FHIT: variants seen among roughly 807,000 people sequenced by gnomAD.
FHIT encodes bis(5'-adenosyl)-triphosphatase.
Under a neutral mutation model 17.9 loss-of-function variants are expected in FHIT, and 19 were observed. The observed-to-expected ratio is 1.06, with a 90% CI of 0.74 to 1.56. The LOEUF is 1.56. Among genes scored for constraint, FHIT ranks in the 40% most tolerant of loss-of-function variants. FHIT has a pLI of 0.00. For missense variants in FHIT, 248 were observed against 189.2 expected (o/e 1.31, Z -1.82); for synonymous variants, 81 against 69.7 (o/e 1.16, Z -0.81).
intron 8 of FHIT, among the ~76,000 whole-genome samples, chr3:59,753,221 GTAAT>G (rs1205700690): frequency 6.6e-6 from 1 of 152,012 alleles, no homozygotes; most frequent in African/African-American, 2.4e-5. Context: ...AACTGAGTAA[GTAAT>G]AAGTATTTCC....
chr3:60,112,104 A>G (rs769997703), intron 5 of FHIT, among the ~76,000 whole-genome samples: 10 of 152,216 alleles, frequency 6.6e-5, no homozygotes, highest in Non-Finnish European at 1.2e-4. Flanking sequence ...GAAAGCATCA[A>G]TGTGTCAGTT....
At chr3:60,438,076 T>C (rs934397854) in intron 5 of FHIT, among the ~76,000 whole-genome samples, 1 of 152,092 alleles carries the variant, frequency 6.6e-6, no homozygotes, top group Non-Finnish European at 1.5e-5. Context: ...GAAGTAATCA[T>C]GTCCTTGGGA....
chr3:60,639,296 C>T (rs1238916958), intron 4 of FHIT, among the ~76,000 whole-genome samples: 2 of 151,864 alleles, frequency 1.3e-5, no homozygotes, highest in Non-Finnish European at 2.9e-5. Flanking sequence ...GAACGGTGAA[C>T]CAAAGAAAAG....
chr3:60,701,193 G>A (rs1175223974), intron 4 of FHIT, among the ~76,000 whole-genome samples: 1 of 148,692 alleles, frequency 6.7e-6, no homozygotes, highest in African/African-American at 2.5e-5. Flanking sequence ...GAGTGACCTC[G>A]GCTCACTGCA....
intron 3 of FHIT, among the ~76,000 whole-genome samples, chr3:61,004,450 AC>A (rs2031307395): frequency 6.6e-6 from 1 of 152,210 alleles, no homozygotes; most frequent in African/African-American, 2.4e-5. Flanking sequence ...TATTTATAAA[AC>A]TTTGGGTAGT....
chr3:59,978,569 C>T (rs937134327), intron 7 of FHIT, among the ~76,000 whole-genome samples: 4 of 151,674 alleles, frequency 2.6e-5, no homozygotes, highest in African/African-American at 9.7e-5. Context: ...CATTTCTACT[C>T]TGTTATCTGA....
chr3:60,228,423 A>C (rs1704319245), intron 5 of FHIT, among the ~76,000 whole-genome samples: 1 of 152,200 alleles, frequency 6.6e-6, no homozygotes, highest in African/African-American at 2.4e-5. Flanking sequence ...TTGGGAATAC[A>C]CTAAAAAAGC....
chr3:60,883,373 T>A (rs904404927), intron 3 of FHIT, among the ~76,000 whole-genome samples: 20 of 152,102 alleles, frequency 1.3e-4, no homozygotes, highest in African/African-American at 4.6e-4. Context: ...AATCCTAAAA[T>A]TTATGTGGAA....
Position 60,536,938 on chromosome 3 carries a change from G to T in FHIT, c.25C>A (p.Leu9Ile). The change falls in exon 5 of 10, where the codon CTC becomes ATC. Residue 9 changes from leucine to isoleucine, a missense_variant. Coordinates refer to ENST00000492590, the MANE Select transcript of FHIT (RefSeq NM_002012.4). ...AGAAACACTACAGAGGGCTTGATGA[G>T]ATGTTGGCCAAATCTGAACGACATG... MSFRFGQH[L>I]IKPSVVFLKT... 6.2e-7 allele frequency: 1 copy of T among 1,612,458 alleles called. No homozygotes were observed. The highest frequency in any genetic ancestry group is 1.7e-5 in the Admixed American group (1 of 59,860).
chr3:59,790,026 T>A (rs1448925082), intron 8 of FHIT, among the ~76,000 whole-genome samples: 1 of 152,202 alleles, frequency 6.6e-6, no homozygotes, highest in African/African-American at 2.4e-5. Flanking sequence ...TGTAGTCTCA[T>A]CTCTGTTATC....
chr3:60,675,883 G>A (rs564982358), intron 4 of FHIT, among the ~76,000 whole-genome samples: 1 of 152,276 alleles, frequency 6.6e-6, no homozygotes, highest in South Asian at 2.1e-4. Context: ...GCAGGAGAGA[G>A]TATATGTTTA....
At chr3:59,956,590 C>T (rs1378279876) in intron 7 of FHIT, among the ~76,000 whole-genome samples, 1 of 152,092 alleles carries the variant, frequency 6.6e-6, no homozygotes, top group Non-Finnish European at 1.5e-5. Flanking sequence ...ATTGCTTGAA[C>T]CCGGGAGGGA....
At chr3:60,215,115 C>T (rs1002965268) in intron 5 of FHIT, among the ~76,000 whole-genome samples, 10 of 151,858 alleles carry the variant, frequency 6.6e-5, no homozygotes, top group African/African-American at 2.2e-4. Flanking sequence ...CAAGCTTCAG[C>T]GACACTCAGT....
intron 4 of FHIT, among the ~76,000 whole-genome samples, chr3:60,773,416 T>C (rs1480808384): frequency 1.3e-5 from 2 of 152,236 alleles, no homozygotes; most frequent in African/African-American, 2.4e-5. Flanking sequence ...ATTTTCTTGA[T>C]CACTAATGAA....
At chr3:60,790,106 T>A (rs1360555935) in intron 4 of FHIT, among the ~76,000 whole-genome samples, 2 of 152,210 alleles carry the variant, frequency 1.3e-5, no homozygotes, top group Non-Finnish European at 2.9e-5. Flanking sequence ...GCAGAAAAGG[T>A]CAGTTAGGCA....
chr3:59,782,982 C>T (rs986836931), intron 8 of FHIT, among the ~76,000 whole-genome samples: 7 of 152,168 alleles, frequency 4.6e-5, no homozygotes, highest in African/African-American at 1.7e-4. Flanking sequence ...CCTTGACTCC[C>T]CACAGAAGTC....
chr3:61,067,942 G>C (rs1351683761), intron 2 of FHIT, among the ~76,000 whole-genome samples: 1 of 152,044 alleles, frequency 6.6e-6, no homozygotes, highest in East Asian at 1.9e-4. Context: ...CTCAATATTT[G>C]GGAATTCTAT....
intron 4 of FHIT, among the ~76,000 whole-genome samples, chr3:60,683,831 G>C (rs1265050884): frequency 2.0e-5 from 3 of 152,148 alleles, no homozygotes; most frequent in African/African-American, 7.2e-5. Flanking sequence ...ATGGCAAACT[G>C]TCTCAAGGAA....
chr3:61,139,776 C>T (rs183361420), intron 2 of FHIT, among the ~76,000 whole-genome samples: 44 of 152,052 alleles, frequency 2.9e-4, no homozygotes, highest in African/African-American at 1.0e-3. Flanking sequence ...GTAGGGTTTG[C>T]GGTACACATC....
Sources: allele counts gnomAD v4.1 joint callset (sites outside exome capture counted in the v4.1 genomes callset), GRCh38; gene constraint gnomAD v4.1.1; transcripts MANE v1.5; gene names NCBI Gene and HGNC (gene_info 2026-07-23, HGNC 2026-07-21).